The following LHX3 variants were observed in gnomAD, a reference collection of about 807,000 sequenced individuals.
The protein encoded by LHX3 is LIM homeobox 3, also known as LIM/homeobox protein Lhx3.
A neutral mutation model predicts 32.4 loss-of-function variants in LHX3; 21 were observed. That is an observed-to-expected ratio of 0.65 (90% CI 0.46 to 0.93). LHX3 has a LOEUF of 0.93. LHX3 is among the 40% of genes least tolerant of loss of function. The pLI is 0.00. For synonymous variants in LHX3, 258 were observed against 246.8 expected, an observed-to-expected ratio of 1.05 and a Z score of -0.43; for missense variants, 626 against 560.0, an observed-to-expected ratio of 1.12 and a Z score of -1.19.
intron 1 of LHX3, among the ~76,000 whole-genome samples, chr9:136,202,332 C>CGGGAG (rs1831661346): frequency 6.6e-6 from 1 of 152,052 alleles, no homozygotes; most frequent in Non-Finnish European, 1.5e-5. Flanking sequence ...CCAGCTGGCC[C>CGGGAG]GGGAGTCGAG....
intron 1 of LHX3, among the ~76,000 whole-genome samples, chr9:136,202,553 ACT>A (rs1228089103): frequency 2.0e-5 from 3 of 151,822 alleles, no homozygotes; most frequent in East Asian, 1.9e-4. Context: ...CCTGCATCTG[ACT>A]CTGTTCCGCT....
intron 5 of LHX3, 130 bp downstream of exon 5, chr9:136,198,522 G>A: frequency 1.8e-6 from 2 of 1,095,670 alleles, no homozygotes; most frequent in South Asian, 1.5e-5. Flanking sequence ...TAAGTGAAAT[G>A]CTTTTGAAAG....
intron 1 of LHX3, among the ~76,000 whole-genome samples, chr9:136,202,280 A>T (rs1408706449): frequency 6.6e-6 from 1 of 151,116 alleles, no homozygotes. Flanking sequence ...GGTCCCTCTC[A>T]CTCCCCACTG....
chr9:136,197,593 A>G lies in LHX3; in HGVS notation c.926T>C (p.Leu309Pro), dbSNP rs1015595455. The change falls in exon 6 of 6, where the codon CTG (leucine) becomes CCG (proline). Residue 309 changes from leucine to proline, a missense_variant. Physicochemically the swap from Leu to Pro is moderately conservative, Grantham distance 98. Coordinates refer to ENST00000371748, the MANE Select transcript of LHX3 (RefSeq NM_178138.6). ...GACACCGTAGGGGCTGCCGGGACGC[A>G]GCTCTCGGTACTGCTCTGGGCCTGC... ...GLAGPEQYRE[L>P]RPGSPYGVPP... is the part of the protein sequence containing the mutation. The G allele has an allele frequency of 6.5e-6, 10 of 1,542,044 alleles. No individual in the cohort carries two copies. In the African/African-American group the frequency reaches 1.4e-4, roughly 21 times the overall value.
chr9:136,202,070 G>A (rs1426393256), intron 1 of LHX3, among the ~76,000 whole-genome samples: 2 of 152,070 alleles, frequency 1.3e-5, no homozygotes, highest in African/African-American at 4.8e-5. Flanking sequence ...CAGGGATGGC[G>A]GGGTCGGCGG....
Position 136,197,613 on chromosome 9 carries a change from G to T in LHX3, c.906C>A (p.Gly302=). 1 of 1,563,652 alleles carries T rather than the reference G, an allele frequency of 6.4e-7. No homozygotes were observed. ...GACGCAGCTCTCGGTACTGCTCTGG[G>T]CCTGCCAGGCCTCCATGCTCCAGGG... ...NFSLEHGGLA[G]PEQYRELRPG... The change falls in exon 6 of 6, where the codon GGC becomes GGA. Residue 302 remains glycine (G), a synonymous_variant. Transcript: ENST00000371748.
intron 1 of LHX3, chr9:136,203,103 C>T: frequency 6.8e-7 from 1 of 1,471,852 alleles, no homozygotes; most frequent in Non-Finnish European, 8.9e-7. Context: ...GCGACGCCAC[C>T]CCGCAATAGC....
At chr9:136,201,884 C>T (rs919790639) in intron 1 of LHX3, among the ~76,000 whole-genome samples, 1 of 152,150 alleles carries the variant, frequency 6.6e-6, no homozygotes, top group East Asian at 1.9e-4. Context: ...CGGAGCGGGG[C>T]GGCCCGACAG....
intron 1 of LHX3, chr9:136,203,062 C>A: frequency 6.6e-7 from 1 of 1,516,334 alleles, no homozygotes; most frequent in South Asian, 1.2e-5. Flanking sequence ...CCGGCGTCGC[C>A]ACTCTCCAGT....
Position 136,197,121 on chromosome 9 carries a change from C to T in LHX3, c.*204G>A, listed in dbSNP as rs936729743. The T allele has an allele frequency of 4.8e-5, 29 of 601,644 alleles. No homozygotes were observed. Among genetic ancestry groups the T allele is most frequent in the African/African-American group, 3.9e-4 (21 of 53,884 alleles). 37.3% of individuals were successfully genotyped at this position (601,644 alleles called of 1,614,324 possible). ...GCTGGCTTGCTGGGAGGCCACCTGG[C>T]GGGCCAGCCCTGTGTCAGAGGAGGG... On this transcript the variant is annotated 3_prime_UTR_variant, in exon 6 of 6. Transcript: ENST00000371748.
chr9:136,197,757 A>G lies in LHX3; in HGVS notation c.776-14T>C, dbSNP rs1446636843. 5 of 1,599,392 alleles carry G rather than the reference A, an allele frequency of 3.1e-6. No individual in the cohort carries two copies. The highest frequency in any genetic ancestry group is 1.1e-5 in the South Asian group (1 of 90,854). On this transcript the variant is annotated splice_polypyrimidine_tract_variant and intron_variant, in intron 5 of 5. Transcript: ENST00000371748. ...AGGAAGGCTCATCTGCAACAGAAGC[A>G]GAGGCTCAGTCAGCGCCTGCCCTCC...
Position 136,199,750 on chromosome 9 carries a change from C to T in LHX3, c.382G>A (p.Gly128Ser), listed in dbSNP as rs1442993093. 3 of 1,612,868 alleles carry T rather than the reference C, an allele frequency of 1.9e-6. No homozygotes were observed. Among genetic ancestry groups the T allele is most frequent in the Non-Finnish European group, 2.5e-6 (3 of 1,179,918 alleles). ...CVVCKRQLAT[G>S]DEFYLMEDSR... ...TCCTCCATGAGGTAGAACTCGTCGC[C>T]CGTGGCCAGCTGCCGCTTGCACACG... The change falls in exon 3 of 6, where the codon GGC (glycine) becomes AGC (serine). Residue 128 changes from glycine to serine, a missense_variant. Gly to Ser is a moderately conservative substitution (Grantham distance 56). Transcript: ENST00000371748.
intron 1 of LHX3, chr9:136,201,250 C>T (rs1831633512): frequency 7.8e-7 from 1 of 1,287,684 alleles, no homozygotes; most frequent in Admixed American, 3.6e-5. Context: ...TGTGGCTGCC[C>T]TGCCTGGTGG....
rs565815648 is a variant in LHX3, at chr9:136,205,044, G to C, written c.-32C>G. On this transcript the variant is annotated 5_prime_UTR_variant, in exon 1 of 6. Coordinates refer to ENST00000371748, the MANE Select transcript of LHX3 (RefSeq NM_178138.6). ...CACCAGGCCGAGTGGCGCGAGACGCGCTCCTCCTAGGTCAGCGTCCCCTGG... is the reference window on the plus strand; with the variant it reads ...CACCAGGCCGAGTGGCGCGAGACGCCCTCCTCCTAGGTCAGCGTCCCCTGG... 202 of 1,540,712 alleles carry C rather than the reference G, an allele frequency of 1.3e-4. 1 individual carries two copies. In the South Asian group the frequency reaches 2.1e-3, roughly 16 times the overall value.
chr9:136,196,906 A>T lies in LHX3; in HGVS notation c.*419T>A. Reference sequence around the variant, plus strand: ...GGAGCCTCGGGGTGACGGCTCCAAGACACATGGAGCCTGGGAAGTGAAAGC... The same window carrying T: ...GGAGCCTCGGGGTGACGGCTCCAAGTCACATGGAGCCTGGGAAGTGAAAGC... On this transcript the variant is annotated 3_prime_UTR_variant, in exon 6 of 6. Coordinates refer to ENST00000371748, the MANE Select transcript of LHX3 (RefSeq NM_178138.6). The T allele has an allele frequency of 4.6e-6, 1 of 218,660 alleles. No individual in the cohort carries two copies. The highest frequency in any genetic ancestry group is 9.1e-6 in the Non-Finnish European group (1 of 109,318). 13.5% of individuals were successfully genotyped at this position (218,660 alleles called of 1,614,324 possible).
At chr9:136,203,008 C>T (rs1751941665) in intron 1 of LHX3, 2 of 1,523,672 alleles carry the variant, frequency 1.3e-6, no homozygotes, top group Non-Finnish European at 1.8e-6. Context: ...CGCCGACTCC[C>T]GGGCCGGGCC....
rs958955596 is a variant in LHX3, at chr9:136,199,114, C to G, written c.455-55G>C. 3.7e-6 allele frequency: 4 copies of G among 1,089,014 alleles called. No individual in the cohort carries two copies. In the African/African-American group the frequency reaches 6.7e-5, roughly 18 times the overall value. 67.5% of individuals were successfully genotyped at this position (1,089,014 alleles called of 1,614,324 possible). A position where few individuals can be genotyped will look rare whatever the true frequency, so the allele number is the denominator to read the frequency against. On this transcript the variant is annotated intron_variant, in intron 3 of 5. Coordinates refer to ENST00000371748, the MANE Select transcript of LHX3 (RefSeq NM_178138.6). ...CAGCCCCTCCGGCCCCGGCCGGACCCCCAGCCCTCCCACCCCGGCCGGCGC... is the reference window on the plus strand; with the variant it reads ...CAGCCCCTCCGGCCCCGGCCGGACCGCCAGCCCTCCCACCCCGGCCGGCGC...
At chr9:136,204,812 C>T (rs577769312) in intron 1 of LHX3, 122 bp downstream of exon 1, 28 of 818,100 alleles carry the variant, frequency 3.4e-5, no homozygotes, top group African/African-American at 1.0e-4. Flanking sequence ...GTTTCCATCT[C>T]TGTGTCCCGC....
chr9:136,204,714 G>A (rs971498258), intron 1 of LHX3, among the ~76,000 whole-genome samples: 8 of 152,092 alleles, frequency 5.3e-5, no homozygotes, highest in Non-Finnish European at 1.2e-4. Context: ...TTTTCTAGGG[G>A]CCTCCACTCC....
Sources: gnomAD v4.1 joint callset for allele counts (sites outside exome capture counted in the v4.1 genomes callset) on GRCh38, gnomAD v4.1.1 for gene constraint, MANE v1.5 for transcripts, NCBI Gene and HGNC (gene_info 2026-07-23, HGNC 2026-07-21) for gene names.